The following TLN2 variants were observed in gnomAD, a reference collection of about 807,000 sequenced individuals.
TLN2 encodes the protein talin 2, also known as talin-2.
Under a neutral mutation model 294.7 loss-of-function variants are expected in TLN2, and 118 were observed. The ratio of observed to expected loss-of-function variants is 0.40; its 90% CI spans 0.34 to 0.47. The LOEUF (loss-of-function observed/expected upper bound fraction) is 0.47, where lower values mean the gene tolerates loss of function less well. Among genes scored for constraint, TLN2 ranks in the 20% least tolerant of loss-of-function variants. The pLI is 0.84. For missense variants in TLN2, 3,083 were observed against 3,282.2 expected (o/e 0.94, Z 1.48); for synonymous variants, 1,431 against 1,304.5 (o/e 1.10, Z -2.09).
chr15:62,399,398 G>C (rs1290248543), intron 1 of TLN2, among the ~76,000 whole-genome samples: 1 of 150,942 alleles, frequency 6.6e-6, no homozygotes, highest in Admixed American at 6.6e-5. Context: ...CCCCCACACA[G>C]AGTCCCCATT....
intron 12 of TLN2, 21 bp downstream of exon 12, chr15:62,686,817 A>C (rs12917611): frequency 0.93 from 1,499,677 of 1,611,676 alleles, 701,440 homozygotes; most frequent in East Asian, 0.95. Flanking sequence ...GCAGAGGGCA[A>C]GGAGAGCACT....
At chr15:62,604,524 T>TA (rs35955277) in intron 2 of TLN2, among the ~76,000 whole-genome samples, 13,708 of 87,118 alleles carry the variant, frequency 0.16, 1,293 homozygotes, top group East Asian at 0.33. Context: ...GACCTTGTCT[T>TA]AAAAAAAAAA....
At chr15:62,835,108 C>G (rs1391443) in intron 55 of TLN2, 150,417 of 152,710 alleles carry the variant, frequency 0.98, 74,119 homozygotes, top group Middle Eastern at 1. Flanking sequence ...CCACAAGCTT[C>G]AAGGTATTTC....
At position 62,841,221 on chromosome 15, in the gene TLN2, C is replaced by T. The variant is rs961537583; in HGVS notation, c.*611C>T. The T allele has an allele frequency of 1.3e-5, 2 of 152,682 alleles. No homozygotes were observed. The highest frequency in any genetic ancestry group is 4.8e-5 in the African/African-American group (2 of 41,440). The allele number at this position is 152,682 out of a possible 1,614,324, so 9.5% of individuals were successfully genotyped here. ...TGTAAGCTCCTTGTACAACCCAGACCCATCTTGTATTTTGTGGCCCAGAAA... is the reference window on the plus strand; with the variant it reads ...TGTAAGCTCCTTGTACAACCCAGACTCATCTTGTATTTTGTGGCCCAGAAA... On this transcript the variant is annotated 3_prime_UTR_variant, in exon 59 of 59. Coordinates refer to ENST00000636159, the MANE Select transcript of TLN2 (RefSeq NM_015059.3).
At chr15:62,398,882 TGCA>T (rs1281711134) in intron 1 of TLN2, among the ~76,000 whole-genome samples, 1 of 152,158 alleles carries the variant, frequency 6.6e-6, no homozygotes, top group Non-Finnish European at 1.5e-5. Context: ...TCAAGCCAGC[TGCA>T]GAAATTTGCA....
chr15:62,669,936 C>T (rs1336407046), intron 9 of TLN2, among the ~76,000 whole-genome samples: 1 of 152,210 alleles, frequency 6.6e-6, no homozygotes, highest in African/African-American at 2.4e-5. Context: ...AGGGGTAACA[C>T]CTCTAGTGCA....
At chr15:62,499,892 C>T (rs114331850) in intron 1 of TLN2, among the ~76,000 whole-genome samples, 3,441 of 152,026 alleles carry the variant, frequency 0.023, 58 homozygotes, top group Non-Finnish European at 0.037. Flanking sequence ...CATAAGCCAC[C>T]GCTCCTGGCT....
rs1310735087 is a variant in TLN2, at chr15:62,842,889, C to T, written c.*2279C>T. 6.6e-6 allele frequency: 1 copy of T among 152,180 alleles called. No individual in the cohort carries two copies. The highest frequency in any genetic ancestry group is 1.5e-5 in the Non-Finnish European group (1 of 68,060). The allele number at this position is 152,180 out of a possible 1,614,324, so 9.4% of individuals were successfully genotyped here. A position where few individuals can be genotyped will look rare whatever the true frequency, so the allele number is the denominator to read the frequency against. ...GTCCCAGTTTCTCATCTGTCCTTTC[C>T]TCATCCACCCTGCACATGTGTATGT... On this transcript the variant is annotated 3_prime_UTR_variant, in exon 59 of 59. Coordinates refer to ENST00000636159, the MANE Select transcript of TLN2 (RefSeq NM_015059.3).
At chr15:62,514,989 A>G (rs1163892520) in intron 1 of TLN2, among the ~76,000 whole-genome samples, 1 of 152,142 alleles carries the variant, frequency 6.6e-6, no homozygotes, top group African/African-American at 2.4e-5. Context: ...GTATGAGGCA[A>G]AGGTACAGAC....
intron 39 of TLN2, among the ~76,000 whole-genome samples, 168 bp downstream of exon 39, chr15:62,762,621 T>C (rs2062745475): frequency 6.6e-6 from 1 of 152,244 alleles, no homozygotes; most frequent in African/African-American, 2.4e-5. Context: ...CTAACTTAAG[T>C]ACTTACCATA....
rs139110889 is a variant in TLN2 at position 62,708,655 on chromosome 15, G to C, written c.2326G>C (p.Val776Leu). The C allele has an allele frequency of 6.8e-6, 11 of 1,614,100 alleles. No homozygotes were observed. Among genetic ancestry groups the C allele is most frequent in the Non-Finnish European group, 9.3e-6 (11 of 1,180,056 alleles). ...LLKQVSAAAS[V>L]VSQALHDLLQ... ...GAAGCAGGTCAGCGCAGCGGCCAGC[G>C]TGGTCAGCCAGGCCCTCCATGATCT... Residue 776 changes from valine to leucine, a missense_variant, in exon 21 of 59, where the codon GTG becomes CTG. Val to Leu is a conservative substitution (Grantham distance 32). Transcript: ENST00000636159.
chr15:62,567,411 A>G (rs537962910), intron 1 of TLN2, among the ~76,000 whole-genome samples: 1 of 152,314 alleles, frequency 6.6e-6, no homozygotes, highest in South Asian at 2.1e-4. Flanking sequence ...CACTGACCGA[A>G]AAATAGTGTA....
At chr15:62,581,707 A>G (rs1054668186) in intron 1 of TLN2, among the ~76,000 whole-genome samples, 1 of 152,188 alleles carries the variant, frequency 6.6e-6, no homozygotes, top group Non-Finnish European at 1.5e-5. Context: ...AACAGACCAA[A>G]GAGTCGAGAA....
At chr15:62,564,949 T>TC (rs1278568993) in intron 1 of TLN2, among the ~76,000 whole-genome samples, 3 of 142,280 alleles carry the variant, frequency 2.1e-5, no homozygotes, top group African/African-American at 8.0e-5. Context: ...TATACTGCAT[T>TC]CCCCCCACTG....
intron 54 of TLN2, among the ~76,000 whole-genome samples, chr15:62,825,740 AT>A (rs2068002117): frequency 1.2e-4 from 14 of 113,194 alleles, no homozygotes; most frequent in African/African-American, 4.5e-4. Context: ...ATATATTTTT[AT>A]ATATATTAAA....
chr15:62,426,476 C>T (rs1345296158), intron 1 of TLN2, among the ~76,000 whole-genome samples: 2 of 152,108 alleles, frequency 1.3e-5, no homozygotes, highest in African/African-American at 4.8e-5. Context: ...CTTTAACTGG[C>T]AGGGATTGGG....
intron 3 of TLN2, among the ~76,000 whole-genome samples, chr15:62,619,612 T>C (rs1245913989): frequency 6.6e-6 from 1 of 152,208 alleles, no homozygotes; most frequent in Non-Finnish European, 1.5e-5. Flanking sequence ...AGAATGGAGA[T>C]AAGATCATAC....
chr15:62,608,866 TC>T (rs920526707), intron 2 of TLN2, among the ~76,000 whole-genome samples: 1 of 152,004 alleles, frequency 6.6e-6, no homozygotes, highest in African/African-American at 2.4e-5. Flanking sequence ...GGAGATTATT[TC>T]TAAACGAAGG....
chr15:62,724,459 A>G (rs963156911), intron 26 of TLN2, among the ~76,000 whole-genome samples: 1 of 152,254 alleles, frequency 6.6e-6, no homozygotes, highest in African/African-American at 2.4e-5. Context: ...GAGATAAAGT[A>G]GTTTTCATAA....
Sources: gnomAD v4.1 joint callset for allele counts (sites outside exome capture counted in the v4.1 genomes callset) on GRCh38, gnomAD v4.1.1 for gene constraint, MANE v1.5 for transcripts, NCBI Gene and HGNC (gene_info 2026-07-23, HGNC 2026-07-21) for gene names.